The following FAM171B variants were observed in gnomAD, a reference collection of about 807,000 sequenced individuals.
FAM171B encodes family with sequence similarity 171 member B, also known as protein FAM171B.
In FAM171B, 19 loss-of-function variants were observed where a neutral mutation model predicts 75.6. The observed-to-expected ratio is 0.25, with a 90% CI of 0.18 to 0.37. The LOEUF (loss-of-function observed/expected upper bound fraction) is 0.37, where lower values mean the gene tolerates loss of function less well. Ranked by LOEUF, FAM171B falls within the 10% of genes least tolerant of loss-of-function variation. FAM171B has a pLI of 1.00. For missense variants in FAM171B, 848 were observed against 982.4 expected (o/e 0.86, Z 1.83); for synonymous variants, 367 against 361.7 (o/e 1.01, Z -0.17).
chr2:186,744,228 G>T (rs1403305257), intron 3 of FAM171B, among the ~76,000 whole-genome samples: 1 of 152,136 alleles, frequency 6.6e-6, no homozygotes. Flanking sequence ...TTGCTTGTTT[G>T]TTTTGTATTG....
chr2:186,751,286 A>G lies in FAM171B; in HGVS notation c.877A>G (p.Thr293Ala). The G allele has an allele frequency of 6.3e-7, 1 of 1,594,862 alleles. No individual in the cohort carries two copies. The highest frequency in any genetic ancestry group is 1.1e-5 in the South Asian group (1 of 87,870). ...ISAGDRIPAWTFDMNTGAWVN... is the reference protein window; with the variant it reads ...ISAGDRIPAWAFDMNTGAWVN... Reference sequence around the variant, plus strand: ...TGCAGGGGATCGCATACCTGCTTGGACATTTGATATGAACACAGGTATGTG... The same window carrying G: ...TGCAGGGGATCGCATACCTGCTTGGGCATTTGATATGAACACAGGTATGTG... Residue 293 changes from threonine (T) to alanine (A), a missense_variant, in exon 5 of 8, where the codon ACA becomes GCA. Coordinates refer to ENST00000304698, the MANE Select transcript of FAM171B (RefSeq NM_177454.4).
intron 1 of FAM171B, among the ~76,000 whole-genome samples, chr2:186,704,187 C>G (rs1689703198): frequency 6.6e-6 from 1 of 152,044 alleles, no homozygotes; most frequent in South Asian, 2.1e-4. Flanking sequence ...AAACCTATGA[C>G]TTAATACTTC....
At chr2:186,726,369 A>AT (rs557339950) in intron 1 of FAM171B, among the ~76,000 whole-genome samples, 12 of 152,076 alleles carry the variant, frequency 7.9e-5, no homozygotes, top group East Asian at 1.9e-4. Context: ...TATTTTACTG[A>AT]TTTTTTTTAA....
At chr2:186,708,379 C>T (rs1208135671) in intron 1 of FAM171B, among the ~76,000 whole-genome samples, 1 of 152,044 alleles carries the variant, frequency 6.6e-6, no homozygotes, top group East Asian at 1.9e-4. Flanking sequence ...TTAAACAAAA[C>T]TCATTGAATG....
At chr2:186,749,662 T>C (rs1015279977) in intron 4 of FAM171B, among the ~76,000 whole-genome samples, 4 of 152,184 alleles carry the variant, frequency 2.6e-5, no homozygotes, top group Non-Finnish European at 5.9e-5. Context: ...ATGAGGACTC[T>C]TTCTGTGGCT....
chr2:186,725,909 T>C (rs1287607298), intron 1 of FAM171B, among the ~76,000 whole-genome samples: 1 of 152,212 alleles, frequency 6.6e-6, no homozygotes, highest in Admixed American at 6.5e-5. Flanking sequence ...TTTTAGGAGC[T>C]TGGGACAGTT....
intron 5 of FAM171B, 25 bp downstream of exon 5, chr2:186,751,329 C>G: frequency 6.7e-7 from 1 of 1,485,572 alleles, no homozygotes; most frequent in South Asian, 1.5e-5. Context: ...TTAAAATAGT[C>G]TGAATATTTT....
intron 1 of FAM171B, among the ~76,000 whole-genome samples, chr2:186,725,660 A>G (rs1574103209): frequency 6.6e-6 from 1 of 152,298 alleles, no homozygotes; most frequent in Non-Finnish European, 1.5e-5. Flanking sequence ...CAGTACTTAC[A>G]TGGCAGTGGT....
At chr2:186,700,127 C>G (rs2105770027) in intron 1 of FAM171B, among the ~76,000 whole-genome samples, 1 of 150,860 alleles carries the variant, frequency 6.6e-6, no homozygotes, top group African/African-American at 2.4e-5. Context: ...TTTTGTGGTT[C>G]CATGTAAATT....
At chr2:186,742,627 A>G (rs1690304775) in intron 2 of FAM171B, among the ~76,000 whole-genome samples, 2 of 152,160 alleles carry the variant, frequency 1.3e-5, no homozygotes, top group African/African-American at 4.8e-5. Flanking sequence ...AGATTTGAGG[A>G]TGCCATGCTA....
intron 1 of FAM171B, among the ~76,000 whole-genome samples, chr2:186,728,326 T>A (rs1690064266): frequency 6.6e-6 from 1 of 152,238 alleles, no homozygotes; most frequent in South Asian, 2.1e-4. Flanking sequence ...CCTCCTTTAT[T>A]GTAATATCAG....
intron 6 of FAM171B, among the ~76,000 whole-genome samples, chr2:186,756,521 C>CT: frequency 6.6e-6 from 1 of 152,332 alleles, no homozygotes; most frequent in Non-Finnish European, 1.5e-5. Context: ...CTGGAGGCTA[C>CT]TGTCCAAGGT....
At chr2:186,710,977 C>G (rs1216904368) in intron 1 of FAM171B, among the ~76,000 whole-genome samples, 2 of 151,976 alleles carry the variant, frequency 1.3e-5, no homozygotes, top group Non-Finnish European at 2.9e-5. Context: ...CTTCAGGATG[C>G]CTTCCTTAAG....
chr2:186,740,342 A>G lies in FAM171B; in HGVS notation c.353A>G (p.Lys118Arg). 6.2e-7 allele frequency: 1 copy of G among 1,614,082 alleles called. No homozygotes were observed. The highest frequency in any genetic ancestry group is 1.1e-5 in the South Asian group (1 of 91,078). ...ACGAAGACAAATTCCACAGTAACTA[A>G]AAGCAATGGAGCAGTGCTGATAAAA... ...NYTKTNSTVT[K>R]SNGAVLIKVP... The change falls in exon 2 of 8, where the codon AAA (lysine) becomes AGA (arginine). Residue 118 changes from lysine (K) to arginine (R), a missense_variant. Lys to Arg is a conservative substitution (Grantham distance 26, BLOSUM62 2). Coordinates refer to ENST00000304698, the MANE Select transcript of FAM171B (RefSeq NM_177454.4).
intron 5 of FAM171B, among the ~76,000 whole-genome samples, chr2:186,752,437 G>A (rs922186695): frequency 6.6e-6 from 1 of 151,986 alleles, no homozygotes; most frequent in Non-Finnish European, 1.5e-5. Context: ...ATATAACCAC[G>A]GTAGTATGCT....
intron 3 of FAM171B, among the ~76,000 whole-genome samples, chr2:186,746,815 A>G (rs1194159524): frequency 6.6e-6 from 1 of 152,170 alleles, no homozygotes; most frequent in African/African-American, 2.4e-5. Context: ...CCCCAAATGA[A>G]ACACATGGGC....
chr2:186,740,524 GT>G, intron 2 of FAM171B, 63 bp downstream of exon 2: 3 of 1,357,570 alleles, frequency 2.2e-6, no homozygotes, highest in Non-Finnish European at 3.1e-6. Context: ...TATTTTCTCT[GT>G]TTGGGGGATA....
Position 186,762,973 on chromosome 2 carries a change from A to C in FAM171B, c.*150A>C. Reference sequence around the variant, plus strand: ...GAGTAAATGGTAATTCAGTAATCAGAGAGAAAGATACCAAGGAATGCTTTT... The same window carrying C: ...GAGTAAATGGTAATTCAGTAATCAGCGAGAAAGATACCAAGGAATGCTTTT... On this transcript the variant is annotated 3_prime_UTR_variant, in exon 8 of 8. Coordinates refer to ENST00000304698, the MANE Select transcript of FAM171B (RefSeq NM_177454.4). The surrounding 1 kb of genome is among the most constrained non-coding windows in gnomAD (Gnocchi z 4.0). The C allele has an allele frequency of 1.1e-6, 1 of 903,656 alleles. No homozygotes were observed. Among genetic ancestry groups the C allele is most frequent in the Non-Finnish European group, 1.6e-6 (1 of 611,920 alleles). 56.0% of individuals were successfully genotyped at this position (903,656 alleles called of 1,614,324 possible).
chr2:186,741,289 C>A (rs1031221082), intron 2 of FAM171B, among the ~76,000 whole-genome samples: 5 of 151,946 alleles, frequency 3.3e-5, no homozygotes, highest in African/African-American at 1.2e-4. Context: ...AGAAAATAAA[C>A]TATCTGACCT....
Sources: allele counts gnomAD v4.1 joint callset (sites outside exome capture counted in the v4.1 genomes callset), GRCh38; gene constraint gnomAD v4.1.1; non-coding constraint Gnocchi (gnomAD v3.1); transcripts MANE v1.5; gene names NCBI Gene and HGNC (gene_info 2026-07-23, HGNC 2026-07-21).